The following NSMCE2 variants were observed in gnomAD, a reference collection of about 807,000 sequenced individuals.
NSMCE2 encodes NSE2 SUMO ligase component of SMC5/6 complex, also known as E3 SUMO-protein ligase NSE2.
NSMCE2 carries 24 observed loss-of-function variants against 23.8 expected under a neutral mutation model. That is an observed-to-expected ratio of 1.01 (90% CI 0.73 to 1.42). The LOEUF (loss-of-function observed/expected upper bound fraction) is 1.42. Among genes scored for constraint, NSMCE2 ranks in the 40% most tolerant of loss-of-function variants. NSMCE2 has a pLI of 0.00. For synonymous variants in NSMCE2, 92 were observed against 94.1 expected, an observed-to-expected ratio of 0.98 and a Z score of 0.13; for missense variants, 284 against 296.5, an observed-to-expected ratio of 0.96 and a Z score of 0.31.
At chr8:125,303,307 C>T (rs1178677041) in intron 5 of NSMCE2, among the ~76,000 whole-genome samples, 2 of 152,094 alleles carry the variant, frequency 1.3e-5, no homozygotes, top group African/African-American at 2.4e-5. Flanking sequence ...GTTGTGTATT[C>T]GAGACCAAAC....
At chr8:125,188,504 T>C (rs975622759) in intron 5 of NSMCE2, among the ~76,000 whole-genome samples, 5 of 152,222 alleles carry the variant, frequency 3.3e-5, no homozygotes, top group African/African-American at 1.2e-4. Context: ...TGTTGCCAGA[T>C]CTTCAGGTTG....
intron 5 of NSMCE2, among the ~76,000 whole-genome samples, chr8:125,304,880 T>A (rs1586743588): frequency 2.5e-5 from 3 of 119,280 alleles, no homozygotes; most frequent in Non-Finnish European, 1.6e-5. Context: ...AGAGCCAGAC[T>A]CTGAAAAAAA....
chr8:125,238,660 G>A (rs1825651906), intron 5 of NSMCE2, among the ~76,000 whole-genome samples: 1 of 151,802 alleles, frequency 6.6e-6, no homozygotes, highest in Admixed American at 6.6e-5. Context: ...GAATTTGTTG[G>A]GAATTTACCC....
At chr8:125,309,636 G>A (rs1828903491) in intron 5 of NSMCE2, among the ~76,000 whole-genome samples, 1 of 152,138 alleles carries the variant, frequency 6.6e-6, no homozygotes, top group African/African-American at 2.4e-5. Context: ...GAGGCAGGAG[G>A]ATTGCTTGAG....
intron 3 of NSMCE2, among the ~76,000 whole-genome samples, chr8:125,146,647 C>T (rs1203940715): frequency 6.6e-6 from 1 of 152,012 alleles, no homozygotes; most frequent in Non-Finnish European, 1.5e-5. Context: ...ATCGCAAGGA[C>T]AGAAAACCAA....
intron 5 of NSMCE2, among the ~76,000 whole-genome samples, chr8:125,301,814 C>T (rs775762184): frequency 1.3e-5 from 2 of 152,074 alleles, no homozygotes; most frequent in Non-Finnish European, 2.9e-5. Context: ...AGGCACCAAC[C>T]AACCATGCCC....
chr8:125,133,775 ACCAAAAC>A (rs1819901025), intron 3 of NSMCE2, among the ~76,000 whole-genome samples: 2 of 151,792 alleles, frequency 1.3e-5, no homozygotes, highest in African/African-American at 4.9e-5. Context: ...AAAAACAAAA[ACCAAAAC>A]AAAAAAAAAG....
At chr8:125,316,232 C>G (rs896760512) in intron 5 of NSMCE2, among the ~76,000 whole-genome samples, 1 of 152,216 alleles carries the variant, frequency 6.6e-6, no homozygotes, top group Non-Finnish European at 1.5e-5. Flanking sequence ...GTTTTCTTAC[C>G]TTCAACAGCA....
intron 5 of NSMCE2, among the ~76,000 whole-genome samples, chr8:125,192,811 G>GTT (rs1381042382): frequency 1.3e-5 from 2 of 152,154 alleles, no homozygotes; most frequent in Non-Finnish European, 2.9e-5. Flanking sequence ...CCTCACATAG[G>GTT]GGAAAGGCTT....
chr8:125,291,532 T>C (rs1388743539), intron 5 of NSMCE2, among the ~76,000 whole-genome samples: 1 of 152,146 alleles, frequency 6.6e-6, no homozygotes, highest in Non-Finnish European at 1.5e-5. Flanking sequence ...CAGATTTGGA[T>C]TAAGATTACA....
chr8:125,340,996 C>T (rs927843869), intron 5 of NSMCE2, among the ~76,000 whole-genome samples: 8 of 152,176 alleles, frequency 5.3e-5, no homozygotes, highest in Non-Finnish European at 8.8e-5. Flanking sequence ...TCCCTGCTTA[C>T]GTGTTCCCTC....
chr8:125,231,528 A>G (rs931662275), intron 5 of NSMCE2, among the ~76,000 whole-genome samples: 1 of 152,178 alleles, frequency 6.6e-6, no homozygotes, highest in Non-Finnish European at 1.5e-5. Flanking sequence ...TTGTGTTACA[A>G]CAGAACTCTG....
intron 5 of NSMCE2, among the ~76,000 whole-genome samples, chr8:125,305,931 T>G (rs16900538): frequency 0.087 from 13,230 of 152,198 alleles, 716 homozygotes; most frequent in South Asian, 0.16. Flanking sequence ...AGGCTAAATG[T>G]TATTTTAGGG....
intron 5 of NSMCE2, among the ~76,000 whole-genome samples, chr8:125,272,582 T>C (rs1427105867): frequency 6.6e-6 from 1 of 151,596 alleles, no homozygotes. Context: ...GACCAGTCAG[T>C]CATTGTGTTA....
intron 7 of NSMCE2, among the ~76,000 whole-genome samples, chr8:125,363,760 GA>G (rs1171931543): frequency 1.3e-5 from 2 of 151,922 alleles, no homozygotes; most frequent in African/African-American, 4.8e-5. Context: ...GACAGGCTGG[GA>G]AAAAAATACA....
intron 5 of NSMCE2, among the ~76,000 whole-genome samples, chr8:125,255,244 C>A (rs1026842849): frequency 6.6e-6 from 1 of 152,086 alleles, no homozygotes; most frequent in African/African-American, 2.4e-5. Flanking sequence ...AGTCATCCAT[C>A]CCCACTGTGC....
intron 5 of NSMCE2, among the ~76,000 whole-genome samples, chr8:125,298,492 C>T (rs901024326): frequency 6.6e-6 from 1 of 152,130 alleles, no homozygotes; most frequent in Non-Finnish European, 1.5e-5. Context: ...CTTAGCTCTG[C>T]GGACCCAGAG....
intron 3 of NSMCE2, among the ~76,000 whole-genome samples, chr8:125,121,973 A>C (rs1221521292): frequency 1.3e-5 from 2 of 152,072 alleles, no homozygotes; most frequent in Admixed American, 6.5e-5. Context: ...TTGTAACCCT[A>C]ACCCCTTCCC....
chr8:125,317,054 C>G (rs1336383478), intron 5 of NSMCE2, among the ~76,000 whole-genome samples: 9 of 151,708 alleles, frequency 5.9e-5, no homozygotes. Flanking sequence ...TCCCAAAGTG[C>G]TGGGATTCCA....
Sources: allele counts gnomAD v4.1 joint callset (sites outside exome capture counted in the v4.1 genomes callset), GRCh38; gene constraint gnomAD v4.1.1; transcripts MANE v1.5; gene names NCBI Gene and HGNC (gene_info 2026-07-23, HGNC 2026-07-21).